Variants in RBFOX1 observed in about 807,000 individuals in gnomAD.
RBFOX1 encodes RNA binding protein fox-1 homolog 1.
Under a neutral mutation model 57.7 loss-of-function variants are expected in RBFOX1, and 8 were observed. The observed-to-expected ratio is 0.14, with a 90% CI of 0.08 to 0.25. The LOEUF (loss-of-function observed/expected upper bound fraction) is 0.25, where lower values mean the gene tolerates loss of function less well. Ranked by LOEUF, RBFOX1 falls within the 10% of genes least tolerant of loss-of-function variation. RBFOX1 has a pLI of 1.00. For synonymous variants in RBFOX1, 326 were observed against 222.4 expected (o/e 1.47, Z -4.15); for missense variants, 611 against 548.5 (o/e 1.11, Z -1.14).
intron 3 of RBFOX1, among the ~76,000 whole-genome samples, chr16:6,875,990 T>C (rs1188277014): frequency 6.6e-6 from 1 of 151,566 alleles, no homozygotes; most frequent in East Asian, 1.9e-4. Flanking sequence ...ACAGTGGAAC[T>C]TGTCTCAAAA....
chr16:6,841,696 C>T (rs1387182642), intron 3 of RBFOX1, among the ~76,000 whole-genome samples: 2 of 152,038 alleles, frequency 1.3e-5, no homozygotes, highest in Non-Finnish European at 2.9e-5. Context: ...ATGATGGAGG[C>T]ATTGTCAGGG....
intron 1 of RBFOX1, among the ~76,000 whole-genome samples, chr16:6,110,025 C>G (rs2096426423): frequency 6.6e-6 from 1 of 151,914 alleles, no homozygotes; most frequent in South Asian, 2.1e-4. Context: ...AATGTTAATA[C>G]CACACATGGA....
chr16:7,670,912 G>A (rs1015305948), intron 13 of RBFOX1, among the ~76,000 whole-genome samples: 10 of 152,178 alleles, frequency 6.6e-5, no homozygotes, highest in African/African-American at 2.4e-4. Context: ...TTCCTTGCCA[G>A]TGCTAGATTT....
intron 2 of RBFOX1, among the ~76,000 whole-genome samples, chr16:5,479,719 A>G (rs1401848729): frequency 1.3e-5 from 2 of 152,120 alleles, no homozygotes; most frequent in East Asian, 1.9e-4. Flanking sequence ...AGATCGCGCC[A>G]TTCCAGCCTG....
intron 4 of RBFOX1, among the ~76,000 whole-genome samples, chr16:7,298,515 C>G (rs941265060): frequency 2.6e-5 from 4 of 152,150 alleles, no homozygotes; most frequent in African/African-American, 9.6e-5. Context: ...TCATCTTGAA[C>G]TCCTGTCCTT....
chr16:6,818,295 C>G (rs889479747), intron 3 of RBFOX1, among the ~76,000 whole-genome samples: 1 of 152,044 alleles, frequency 6.6e-6, no homozygotes, highest in South Asian at 2.1e-4. Context: ...GTGTGTGCGT[C>G]TTTCATTACT....
intron 4 of RBFOX1, among the ~76,000 whole-genome samples, chr16:7,316,881 A>T (rs73559879): frequency 6.6e-6 from 1 of 151,732 alleles, no homozygotes; most frequent in African/African-American, 2.4e-5. Context: ...GGGTAAAGAG[A>T]CACATAAGGG....
At chr16:6,880,215 T>A (rs2062650274) in intron 3 of RBFOX1, among the ~76,000 whole-genome samples, 1 of 137,194 alleles carries the variant, frequency 7.3e-6, no homozygotes, top group African/African-American at 2.8e-5. Context: ...GAGCAAAATT[T>A]TCCACCGGGG....
chr16:6,087,121 T>C (rs866535546), intron 1 of RBFOX1, among the ~76,000 whole-genome samples: 2 of 152,200 alleles, frequency 1.3e-5, no homozygotes, highest in African/African-American at 4.8e-5. Context: ...TCAGCAAATT[T>C]AGATGATGAG....
intron 2 of RBFOX1, among the ~76,000 whole-genome samples, chr16:6,506,382 G>T (rs781334362): frequency 6.6e-6 from 1 of 152,046 alleles, no homozygotes; most frequent in Non-Finnish European, 1.5e-5. Flanking sequence ...AAACAGCTTG[G>T]GTGAAGGCAG....
chr16:6,238,296 C>G (rs1598683079), intron 1 of RBFOX1, among the ~76,000 whole-genome samples: 1 of 152,050 alleles, frequency 6.6e-6, no homozygotes, highest in Non-Finnish European at 1.5e-5. Flanking sequence ...CGAAATTTGT[C>G]CTTTTGAAAC....
intron 3 of RBFOX1, among the ~76,000 whole-genome samples, chr16:5,839,235 A>G (rs2056551121): frequency 6.6e-6 from 1 of 152,174 alleles, no homozygotes; most frequent in Non-Finnish European, 1.5e-5. Flanking sequence ...ATATTTCCCC[A>G]TCCTCTGTTC....
intron 4 of RBFOX1, among the ~76,000 whole-genome samples, chr16:7,312,363 A>G (rs1209693898): frequency 6.6e-6 from 1 of 152,250 alleles, no homozygotes; most frequent in Non-Finnish European, 1.5e-5. Context: ...CTGGGCAACA[A>G]GAGTGAAACT....
At chr16:5,542,963 C>T (rs1442076182) in intron 2 of RBFOX1, among the ~76,000 whole-genome samples, 1 of 152,170 alleles carries the variant, frequency 6.6e-6, no homozygotes, top group African/African-American at 2.4e-5. Context: ...GTGCCAACTT[C>T]CACCAGCCAG....
chr16:6,671,462 A>G (rs1217017073), intron 3 of RBFOX1, among the ~76,000 whole-genome samples: 1 of 152,236 alleles, frequency 6.6e-6, no homozygotes, highest in African/African-American at 2.4e-5. Flanking sequence ...ATATTTGAAC[A>G]TTAGAAAGTA....
intron 3 of RBFOX1, among the ~76,000 whole-genome samples, chr16:5,746,361 G>T (rs1466493444): frequency 1.3e-5 from 2 of 152,218 alleles, no homozygotes; most frequent in Non-Finnish European, 2.9e-5. Flanking sequence ...ATAGTTTGCA[G>T]TCAGGTAGCA....
chr16:6,580,928 C>G (rs2097528871), intron 2 of RBFOX1, among the ~76,000 whole-genome samples: 2 of 146,732 alleles, frequency 1.4e-5, no homozygotes, highest in South Asian at 2.2e-4. Context: ...TTTTTTTGCC[C>G]TTTTTTTCCC....
At chr16:6,618,684 A>G (rs183907612) in intron 2 of RBFOX1, among the ~76,000 whole-genome samples, 171 of 152,278 alleles carry the variant, frequency 1.1e-3, no homozygotes, top group African/African-American at 3.7e-3. Flanking sequence ...CTTTAATGTG[A>G]TGTGTTGGTA....
chr16:6,056,565 C>G (rs2095617082), intron 1 of RBFOX1, among the ~76,000 whole-genome samples: 1 of 152,110 alleles, frequency 6.6e-6, no homozygotes, highest in Non-Finnish European at 1.5e-5. Context: ...GGCCTCATTC[C>G]TTTTTTATTT....
Sources: gnomAD v4.1 joint callset for allele counts (sites outside exome capture counted in the v4.1 genomes callset) on GRCh38, gnomAD v4.1.1 for gene constraint, MANE v1.5 for transcripts, NCBI Gene and HGNC (gene_info 2026-07-23, HGNC 2026-07-21) for gene names.